The following ELMO1 variants were observed in gnomAD, a reference collection of about 807,000 sequenced individuals.
The protein encoded by ELMO1 is engulfment and cell motility protein 1.
A neutral mutation model predicts 98.9 loss-of-function variants in ELMO1; 26 were observed. The observed-to-expected ratio is 0.26, with a 90% CI of 0.19 to 0.36. ELMO1 has a LOEUF of 0.36. Ranked by LOEUF, ELMO1 falls within the 10% of genes least tolerant of loss-of-function variation. The pLI is 1.00. For missense variants in ELMO1, 627 were observed against 935.2 expected (o/e 0.67, Z 4.30); for synonymous variants, 346 against 346.0 (o/e 1.00, Z 0.00).
chr7:37,381,301 G>C (rs1049585174), intron 1 of ELMO1, among the ~76,000 whole-genome samples: 9 of 152,216 alleles, frequency 5.9e-5, no homozygotes, highest in Non-Finnish European at 1.3e-4. Context: ...CTATTACTAA[G>C]AAAAGAACCA....
intron 2 of ELMO1, among the ~76,000 whole-genome samples, chr7:37,320,037 T>C (rs1295970999): frequency 6.6e-6 from 1 of 152,092 alleles, no homozygotes; most frequent in Non-Finnish European, 1.5e-5. Context: ...GGGCGGATCA[T>C]GAGGTCAGGA....
intron 16 of ELMO1, among the ~76,000 whole-genome samples, chr7:36,971,111 C>T (rs1789907991): frequency 6.6e-6 from 1 of 152,222 alleles, no homozygotes; most frequent in Middle Eastern, 3.2e-3. Context: ...TTGAAGGGAG[C>T]TTGGAAAGGA....
At chr7:37,023,530 G>A (rs1401465787) in intron 15 of ELMO1, among the ~76,000 whole-genome samples, 1 of 152,090 alleles carries the variant, frequency 6.6e-6, no homozygotes, top group Non-Finnish European at 1.5e-5. Flanking sequence ...ATCAGCTTCT[G>A]AAGTTGGGCA....
intron 1 of ELMO1, among the ~76,000 whole-genome samples, chr7:37,403,997 G>A (rs1803644883): frequency 6.6e-6 from 1 of 152,062 alleles, no homozygotes; most frequent in Admixed American, 6.6e-5. Flanking sequence ...AAACTGTGTG[G>A]ATAGCAGGCA....
intron 4 of ELMO1, among the ~76,000 whole-genome samples, chr7:37,313,289 A>T (rs1219290283): frequency 6.6e-6 from 1 of 152,108 alleles, no homozygotes; most frequent in Non-Finnish European, 1.5e-5. Context: ...CAGTGGCACG[A>T]TCTCTGCTCA....
At chr7:37,360,424 T>A (rs868645623) in intron 1 of ELMO1, among the ~76,000 whole-genome samples, 11,944 of 142,470 alleles carry the variant, frequency 0.084, 588 homozygotes, top group Middle Eastern at 0.12. Context: ...AACTGAAATT[T>A]TAAAAAAAAA....
chr7:37,070,252 G>A (rs1054125439), intron 15 of ELMO1, among the ~76,000 whole-genome samples: 11 of 152,192 alleles, frequency 7.2e-5, no homozygotes, highest in African/African-American at 2.4e-4. Context: ...AGGAGCCCAT[G>A]CTGCTTAAGT....
At chr7:37,373,590 T>C (rs1318112235) in intron 1 of ELMO1, among the ~76,000 whole-genome samples, 2 of 150,432 alleles carry the variant, frequency 1.3e-5, no homozygotes, top group African/African-American at 4.9e-5. Context: ...GCCTGGATGA[T>C]AGAGCAAGAC....
chr7:37,189,087 G>T (rs746648492), intron 13 of ELMO1, among the ~76,000 whole-genome samples: 39 of 152,116 alleles, frequency 2.6e-4, no homozygotes, highest in Non-Finnish European at 5.4e-4. Context: ...TTTTAAACTG[G>T]TAACAACATA....
chr7:37,054,707 TAGAG>T (rs1216980525), intron 15 of ELMO1, among the ~76,000 whole-genome samples: 2 of 151,760 alleles, frequency 1.3e-5, no homozygotes, highest in Non-Finnish European at 2.9e-5. Flanking sequence ...TGTAGTATTT[TAGAG>T]AATCTTTGGG....
intron 14 of ELMO1, among the ~76,000 whole-genome samples, chr7:37,101,441 C>T (rs533890094): frequency 3.3e-5 from 5 of 152,178 alleles, no homozygotes; most frequent in African/African-American, 4.8e-5. Flanking sequence ...CTCTTGGCCC[C>T]GAAGAAGGGG....
At chr7:37,319,131 C>CT (rs555029547) in intron 2 of ELMO1, among the ~76,000 whole-genome samples, 3 of 152,164 alleles carry the variant, frequency 2.0e-5, no homozygotes, top group Non-Finnish European at 4.4e-5. Context: ...TTGCAAATCT[C>CT]TAACAGTCTG....
At chr7:36,992,839 T>G (rs1179978826) in intron 16 of ELMO1, among the ~76,000 whole-genome samples, 1 of 152,198 alleles carries the variant, frequency 6.6e-6, no homozygotes, top group Non-Finnish European at 1.5e-5. Flanking sequence ...TCACCATGTT[T>G]TTTCAAATGG....
Position 37,000,938 on chromosome 7 carries a change from TAC to T in ELMO1, c.1437+12359_1437+12360del, listed in dbSNP as rs145766627. ...ATACATATATATATGTATATGTGTATACACACACACACACACACACACACACG... is the reference window on the plus strand; with the variant it reads ...ATACATATATATATGTATATGTGTATACACACACACACACACACACACACG... On this transcript the variant is annotated intron_variant, in intron 16 of 21. Coordinates refer to ENST00000310758, the MANE Select transcript of ELMO1 (RefSeq NM_014800.11). Among the ~76,000 whole-genome samples, 260 of 146,940 alleles carry T rather than the reference TAC, an allele frequency of 1.8e-3. 1 individual carries two copies. Among genetic ancestry groups the T allele is most frequent in the South Asian group, 5.2e-3 (24 of 4,634 alleles).
At chr7:37,115,314 T>C (rs1374001709) in intron 14 of ELMO1, among the ~76,000 whole-genome samples, 1 of 152,192 alleles carries the variant, frequency 6.6e-6, no homozygotes, top group African/African-American at 2.4e-5. Context: ...TGCGGATCTA[T>C]ATAGCTCTCA....
At chr7:37,387,415 G>A (rs1273958238) in intron 1 of ELMO1, among the ~76,000 whole-genome samples, 2 of 152,196 alleles carry the variant, frequency 1.3e-5, no homozygotes, top group South Asian at 2.1e-4. Context: ...TCTTCATGCT[G>A]TGTTCTTCTT....
At chr7:36,964,167 A>G (rs1460314644) in intron 16 of ELMO1, among the ~76,000 whole-genome samples, 1 of 152,222 alleles carries the variant, frequency 6.6e-6, no homozygotes, top group East Asian at 1.9e-4. Context: ...ATTGTTGATG[A>G]ATTATTGTAT....
intron 16 of ELMO1, among the ~76,000 whole-genome samples, chr7:36,913,345 G>A (rs745534367): frequency 6.6e-6 from 1 of 152,134 alleles, no homozygotes; most frequent in Non-Finnish European, 1.5e-5. Flanking sequence ...TTAGATGGGG[G>A]AATAGAATGT....
chr7:37,150,087 C>A (rs935001285), intron 13 of ELMO1, among the ~76,000 whole-genome samples: 2 of 152,094 alleles, frequency 1.3e-5, no homozygotes, highest in African/African-American at 4.8e-5. Context: ...TTCTTCTCCT[C>A]TTTTTTTTAA....
Sources: gnomAD v4.1 joint callset for allele counts (sites outside exome capture counted in the v4.1 genomes callset) on GRCh38, gnomAD v4.1.1 for gene constraint, MANE v1.5 for transcripts, NCBI Gene and HGNC (gene_info 2026-07-23, HGNC 2026-07-21) for gene names.